The following CD248 variants were observed in gnomAD, a reference collection of about 807,000 sequenced individuals.
CD248 encodes the protein endosialin.
A neutral mutation model predicts 8.0 loss-of-function variants in CD248; 7 were observed. The ratio of observed to expected loss-of-function variants is 0.88; its 90% confidence interval spans 0.50 to 1.64. The LOEUF is 1.64. Among genes scored for constraint, CD248 ranks in the 40% most tolerant of loss-of-function variants. CD248 has a pLI of 0.00. For missense variants in CD248, 912 were observed against 1,027.2 expected (o/e 0.89, Z 1.53); for synonymous variants, 418 against 437.1 (o/e 0.96, Z 0.54).
At position 66,316,339 on chromosome 11, in the gene CD248, C is replaced by T; in HGVS notation, c.689G>A (p.Cys230Tyr). ...GVGWSRAGPL[C>Y]LGTGCSPDNG... ...GTCAGGGCTGCAGCCAGTCCCCAGG[C>T]ACAGGGGCCCAGCCCGTGACCAGCC... The change falls in exon 1 of 1, where the codon TGC (cysteine) becomes TAC (tyrosine). Residue 230 changes from cysteine to tyrosine, a missense_variant. Physicochemically the swap from Cys to Tyr is radical, Grantham distance 194. Around this residue, in one of 3 missense-constraint regions of CD248, gnomAD observed 403 missense variants for 446.2 expected, o/e 0.90. Coordinates refer to ENST00000311330, the MANE Select transcript of CD248 (RefSeq NM_020404.3). 5 of 1,612,854 alleles carry T rather than the reference C, an allele frequency of 3.1e-6. No individual in the cohort carries two copies. The highest frequency in any genetic ancestry group is 4.2e-6 in the Non-Finnish European group (5 of 1,179,832).
At position 66,315,776 on chromosome 11, in the gene CD248, T is replaced by C. The variant is rs781264839; in HGVS notation, c.1252A>G (p.Arg418Gly). 3.7e-6 allele frequency: 6 copies of C among 1,613,094 alleles called. No homozygotes were observed. The highest frequency in any genetic ancestry group is 5.1e-6 in the Non-Finnish European group (6 of 1,179,350). Residue 418 changes from arginine to glycine, a missense_variant, in exon 1 of 1, where the codon AGA becomes GGA. By Grantham distance (125) the Arg-to-Gly change is moderately radical. Around this residue, in one of 3 missense-constraint regions of CD248, gnomAD observed 507 missense variants for 562.2 expected, o/e 0.90. Transcript: ENST00000311330. The surrounding 1 kb of genome is among the most constrained non-coding windows in gnomAD (Gnocchi z 4.3). ...TCCGGGTAGGGTATCTGTGGCTCTC[T>C]GTCCTCTGGGAAGCTCGGTCTATAG... Reference protein sequence around the residue: ...LAYRPSFPEDREPQIPYPEPT... With the variant: ...LAYRPSFPEDGEPQIPYPEPT...
chr11:66,316,273 C>A lies in CD248; in HGVS notation c.755G>T (p.Gly252Val), dbSNP rs1209835925. 1 of 1,613,514 alleles carries A rather than the reference C, an allele frequency of 6.2e-7. No individual in the cohort carries two copies. The highest frequency in any genetic ancestry group is 8.5e-7 in the Non-Finnish European group (1 of 1,179,928). The change falls in exon 1 of 1, where the codon GGT becomes GTT. Residue 252 changes from glycine (G) to valine (V), a missense_variant. Coordinates refer to ENST00000311330, the MANE Select transcript of CD248 (RefSeq NM_020404.3). ...CEHECVEEVDGHVSCRCTEGF... is the reference protein window; with the variant it reads ...CEHECVEEVDVHVSCRCTEGF... ...CTCAGTGCAGCGGCAGGACACGTGA[C>A]CATCCACCTCCTCCACACATTCGTG...
rs1013130483 is a variant in CD248, at chr11:66,317,039, C to T, written c.-12G>A. On this transcript the variant is annotated 5_prime_UTR_variant, in exon 1 of 1. Transcript: ENST00000311330. ...AGGCGCAGCAGCATCGCGATGCCCC[C>T]GGACTGGTCCGGCCCCGGGCTGGCG... is the stretch of plus-strand genomic sequence containing the variant. The T allele has an allele frequency of 1.0e-5, 14 of 1,398,678 alleles. No individual in the cohort carries two copies. The highest frequency in any genetic ancestry group is 2.6e-4 in the Middle Eastern group (1 of 3,872). The allele number at this position is 1,398,678 out of a possible 1,614,324, so 86.6% of individuals were successfully genotyped here.
Position 66,315,627 on chromosome 11 carries a change from A to G in CD248, c.1401T>C (p.Pro467=). ...AAGCTGGGTGTGTGGCAGGGATCAC[A>G]GGAGGCTGGTGGGCAGAAGGCAGTG... The part of the protein sequence containing the change: ...HPTLPSAHQP[P]VIPATHPALS... Residue 467 remains proline (P), a synonymous_variant, in exon 1 of 1, where the codon CCT becomes CCC. Coordinates refer to ENST00000311330, the MANE Select transcript of CD248 (RefSeq NM_020404.3). The surrounding 1 kb of genome is among the most constrained non-coding windows in gnomAD (Gnocchi z 4.3). 6.2e-7 allele frequency: 1 copy of G among 1,613,518 alleles called. No individual in the cohort carries two copies. The highest frequency in any genetic ancestry group is 8.5e-7 in the Non-Finnish European group (1 of 1,179,708).
At position 66,315,086 on chromosome 11, in the gene CD248, C is replaced by A; in HGVS notation, c.1942G>T (p.Glu648Ter). ...GCCAACTTGGGACTGGGGCCATCTTCCCTTGGGATTTGGGGGGCTTTGGAA... is the reference window on the plus strand; with the variant it reads ...GCCAACTTGGGACTGGGGCCATCTTACCTTGGGATTTGGGGGGCTTTGGAA... ...PHSKAPQIPR[E>*]DGPSPKLALW... Residue 648 changes from glutamate to a stop codon, truncating the protein, a stop_gained, in exon 1 of 1, where the codon GAA becomes TAA. Transcript: ENST00000311330. LOFTEE classifies it high-confidence loss of function. This position sits in a 1 kb window ranked among gnomAD's most constrained non-coding sequence, Gnocchi z 4.3. The A allele has an allele frequency of 6.4e-7, 1 of 1,561,840 alleles. No homozygotes were observed. The highest frequency in any genetic ancestry group is 8.7e-7 in the Non-Finnish European group (1 of 1,152,948).
At position 66,316,862 on chromosome 11, in the gene CD248, C is replaced by A; in HGVS notation, c.166G>T (p.Gly56Cys). The change falls in exon 1 of 1, where the codon GGC (glycine) becomes TGC (cysteine). Residue 56 changes from glycine (G) to cysteine (C), a missense_variant. Physicochemically the swap from Gly to Cys is radical, Grantham distance 159 (BLOSUM62 -3). This residue lies in a region of CD248 where 403 missense variants were observed against 446.2 expected (regional missense o/e 0.90). Transcript: ENST00000311330. ...EAWRACRELG[G>C]DLATPRTPEE... ...GGGGTCCGAGGAGTGGCCAGGTCGCCCCCCAGCTCGCGGCAGGCCCGCCAG... is the reference window on the plus strand; with the variant it reads ...GGGGTCCGAGGAGTGGCCAGGTCGCACCCCAGCTCGCGGCAGGCCCGCCAG... 1 of 1,548,806 alleles carries A rather than the reference C, an allele frequency of 6.5e-7. No homozygotes were observed. Among genetic ancestry groups the A allele is most frequent in the Non-Finnish European group, 8.7e-7 (1 of 1,155,200 alleles).
rs7110351 is a variant in CD248, at chr11:66,315,234, G to A, written c.1794C>T (p.Ser598=). The A allele has an allele frequency of 7.9e-4, 1,215 of 1,529,374 alleles. 7 individuals carry two copies. The African/African-American group carries it at 0.015, about 19-fold the overall frequency. 94.7% of individuals were successfully genotyped at this position (1,529,374 alleles called of 1,614,324 possible). The change falls in exon 1 of 1, where the codon TCC becomes TCT. Residue 598 remains serine, a synonymous_variant. Transcript: ENST00000311330. This position sits in a 1 kb window ranked among gnomAD's most constrained non-coding sequence, Gnocchi z 4.3. ...AGATTTGATGGGCAGGAGACACAGGGGACCTGGAGGTGGTGGTCAGAGAGG... is the reference window on the plus strand; with the variant it reads ...AGATTTGATGGGCAGGAGACACAGGAGACCTGGAGGTGGTGGTCAGAGAGG... ...AQPSLTTTSR[S]PVSPAHQISV...
Position 66,314,841 on chromosome 11 carries a change from G to A in CD248, c.2187C>T (p.Val729=), listed in dbSNP as rs759886941. The A allele has an allele frequency of 1.2e-4, 185 of 1,589,336 alleles. No individual in the cohort carries two copies. The highest frequency in any genetic ancestry group is 1.4e-4 in the Non-Finnish European group (159 of 1,168,604). ...NKRITDCYRW[V]IHAGSKSPTE... is the part of the protein sequence containing the mutation. ...TTGGGCTCTTGCTCCCAGCATGGAT[G>A]ACCCAGCGATAGCAGTCAGTGATGC... Residue 729 remains valine, a synonymous_variant, in exon 1 of 1, where the codon GTC becomes GTT. Coordinates refer to ENST00000311330, the MANE Select transcript of CD248 (RefSeq NM_020404.3). This position sits in a 1 kb window ranked among gnomAD's most constrained non-coding sequence, Gnocchi z 4.0.
chr11:66,314,523 A>G lies in CD248; in HGVS notation c.*231T>C. Reference sequence around the variant, plus strand: ...GTTGACACCCCATTTATTGGAGAAGACCCCAGCACCCGCCCCCTGAGGTCT... The same window carrying G: ...GTTGACACCCCATTTATTGGAGAAGGCCCCAGCACCCGCCCCCTGAGGTCT... On this transcript the variant is annotated 3_prime_UTR_variant, in exon 1 of 1. Coordinates refer to ENST00000311330, the MANE Select transcript of CD248 (RefSeq NM_020404.3). This position sits in a 1 kb window ranked among gnomAD's most constrained non-coding sequence, Gnocchi z 4.0. The G allele has an allele frequency of 4.0e-6, 2 of 498,984 alleles. No individual in the cohort carries two copies. The highest frequency in any genetic ancestry group is 7.2e-5 in the South Asian group (2 of 27,724). The allele number at this position is 498,984 out of a possible 1,614,324, so 30.9% of individuals were successfully genotyped here. A position where few individuals can be genotyped will look rare whatever the true frequency, so the allele number is the denominator to read the frequency against.
In CD248 at chr11:66,315,459, C is replaced by T. The variant is rs1651351987; in HGVS notation, c.1569G>A (p.Glu523=). Residue 523 remains glutamate, a synonymous_variant, in exon 1 of 1, where the codon GAG becomes GAA. Coordinates refer to ENST00000311330, the MANE Select transcript of CD248 (RefSeq NM_020404.3). This position sits in a 1 kb window ranked among gnomAD's most constrained non-coding sequence, Gnocchi z 4.3. ...QPPMISTKYP[E]LFPAHQSPMF... is the part of the protein sequence containing the mutation. Reference sequence around the variant, plus strand: ...TGGGGGACTGGTGGGCAGGGAAGAGCTCCGGATATTTGGTTGAGATCATAG... The same window carrying T: ...TGGGGGACTGGTGGGCAGGGAAGAGTTCCGGATATTTGGTTGAGATCATAG... 1 of 1,613,652 alleles carries T rather than the reference C, an allele frequency of 6.2e-7. No homozygotes were observed. The highest frequency in any genetic ancestry group is 8.5e-7 in the Non-Finnish European group (1 of 1,179,900).
Position 66,314,769 on chromosome 11 carries a change from G to T in CD248, c.2259C>A (p.Cys753Ter). ...PRGSLTGVQT[C>*]RTSV is the part of the protein sequence containing the mutation. Reference sequence around the variant, plus strand: ...CTGCACCCCATCACACGCTGGTTCTGCAGGTCTGCACCCCTGTGAGGCTGC... The same window carrying T: ...CTGCACCCCATCACACGCTGGTTCTTCAGGTCTGCACCCCTGTGAGGCTGC... The change falls in exon 1 of 1, where the codon TGC becomes TGA. Residue 753 changes from cysteine to a stop codon, truncating the protein, a stop_gained. Coordinates refer to ENST00000311330, the MANE Select transcript of CD248 (RefSeq NM_020404.3). LOFTEE classifies it high-confidence loss of function. The surrounding 1 kb of genome is among the most constrained non-coding windows in gnomAD (Gnocchi z 4.0). The T allele has an allele frequency of 6.4e-7, 1 of 1,550,812 alleles. No individual in the cohort carries two copies.
rs547218265 is a variant in CD248, at chr11:66,315,568, G to A, written c.1460C>T (p.Ala487Val). 10 of 1,613,988 alleles carry A rather than the reference G, an allele frequency of 6.2e-6. No homozygotes were observed. The East Asian group carries it at 1.6e-4, about 25-fold the overall frequency. ...SRDHQIPVIAANYPDLPSAYQ... is the reference protein window; with the variant it reads ...SRDHQIPVIAVNYPDLPSAYQ... The stretch of plus-strand genomic sequence containing the variant: ...GGCAGAAGGCAGATCTGGATAGTTG[G>A]CTGCGATCACGGGGATCTGGTGGTC... Residue 487 changes from alanine (A) to valine (V), a missense_variant, in exon 1 of 1, where the codon GCC becomes GTC. Physicochemically the swap from Ala to Val is moderately conservative, Grantham distance 64 (BLOSUM62 0). This residue lies in a region of CD248 where 507 missense variants were observed against 562.2 expected (regional missense o/e 0.90). Transcript: ENST00000311330. The surrounding 1 kb of genome is among the most constrained non-coding windows in gnomAD (Gnocchi z 4.3).
At position 66,315,310 on chromosome 11, in the gene CD248, A is replaced by C; in HGVS notation, c.1718T>G (p.Leu573Arg). ...AQLPPQAPDA[L>R]VLRTQATQLP... ...CTGGGTGGCCTGGGTTCTGAGGACA[A>C]GGGCATCTGGGGCTTGAGGGGGTAG... is the stretch of plus-strand genomic sequence containing the variant. Residue 573 changes from leucine to arginine, a missense_variant, in exon 1 of 1, where the codon CTT (leucine) becomes CGT (arginine). Coordinates refer to ENST00000311330, the MANE Select transcript of CD248 (RefSeq NM_020404.3). This position sits in a 1 kb window ranked among gnomAD's most constrained non-coding sequence, Gnocchi z 4.3. The C allele has an allele frequency of 5.1e-6, 8 of 1,562,336 alleles. No homozygotes were observed. The highest frequency in any genetic ancestry group is 6.9e-6 in the Non-Finnish European group (8 of 1,152,394).
Position 66,315,878 on chromosome 11 carries a change from C to T in CD248, c.1150G>A (p.Ala384Thr). ...ATCTCCGTCCAGCCACCGTTGAAGGCCTTCCAGGCCTCGTCTTCATCTTCC... is the reference window on the plus strand; with the variant it reads ...ATCTCCGTCCAGCCACCGTTGAAGGTCTTCCAGGCCTCGTCTTCATCTTCC... ...DEEDEDEAWK[A>T]FNGGWTEMPG... The change falls in exon 1 of 1, where the codon GCC becomes ACC. Residue 384 changes from alanine (A) to threonine (T), a missense_variant. By Grantham distance (58) the Ala-to-Thr change is moderately conservative. Coordinates refer to ENST00000311330, the MANE Select transcript of CD248 (RefSeq NM_020404.3). This position sits in a 1 kb window ranked among gnomAD's most constrained non-coding sequence, Gnocchi z 4.3. 1 of 1,613,942 alleles carries T rather than the reference C, an allele frequency of 6.2e-7. No individual in the cohort carries two copies. Among genetic ancestry groups the T allele is most frequent in the Non-Finnish European group, 8.5e-7 (1 of 1,180,006 alleles).
At position 66,314,807 on chromosome 11, in the gene CD248, T is replaced by G; in HGVS notation, c.2221A>C (p.Met741Leu). The change falls in exon 1 of 1, where the codon ATG becomes CTG. Residue 741 changes from methionine (M) to leucine (L), a missense_variant. Met to Leu is a conservative substitution (Grantham distance 15). Transcript: ENST00000311330. The surrounding 1 kb of genome is among the most constrained non-coding windows in gnomAD (Gnocchi z 4.0). ...HAGSKSPTEP[M>L]PPRGSLTGVQ... ...CCTGTGAGGCTGCCCCTGGGGGGCA[T>G]GGGTTCTGTTGGGCTCTTGCTCCCA... The G allele has an allele frequency of 6.4e-7, 1 of 1,565,032 alleles. No individual in the cohort carries two copies. Among genetic ancestry groups the G allele is most frequent in the Non-Finnish European group, 8.7e-7 (1 of 1,154,796 alleles).
chr11:66,316,510 T>C lies in CD248; in HGVS notation c.518A>G (p.Gln173Arg), dbSNP rs1170511230. Residue 173 changes from glutamine to arginine, a missense_variant, in exon 1 of 1, where the codon CAG (glutamine) becomes CGG (arginine). Physicochemically the swap from Gln to Arg is conservative, Grantham distance 43. Around this residue, in one of 3 missense-constraint regions of CD248, gnomAD observed 403 missense variants for 446.2 expected, o/e 0.90. Coordinates refer to ENST00000311330, the MANE Select transcript of CD248 (RefSeq NM_020404.3). ...ACPALQDEAG[Q>R]AGPAVYTTPF... ...CGTGGTATACACGGCTGGGCCGGCC[T>C]GGCCCGCCTCATCTTGCAGCGCCGG... 10 of 1,595,334 alleles carry C rather than the reference T, an allele frequency of 6.3e-6. No homozygotes were observed. The highest frequency in any genetic ancestry group is 8.5e-6 in the Non-Finnish European group (10 of 1,178,202).
Position 66,315,192 on chromosome 11 carries a change from G to A in CD248, c.1836C>T (p.Thr612=). ...PAHQISVPAA[T]QPAALPTLLP... is the part of the protein sequence containing the mutation. ...GGAGGGTGGGGAGGGCTGCGGGCTG[G>A]GTGGCAGCAGGCACAGAGATTTGAT... The change falls in exon 1 of 1, where the codon ACC becomes ACT. Residue 612 remains threonine (T), a synonymous_variant. Transcript: ENST00000311330. The surrounding 1 kb of genome is among the most constrained non-coding windows in gnomAD (Gnocchi z 4.3). 6.5e-7 allele frequency: 1 copy of A among 1,528,114 alleles called. No homozygotes were observed. Among genetic ancestry groups the A allele is most frequent in the Non-Finnish European group, 8.8e-7 (1 of 1,140,546 alleles). The allele number at this position is 1,528,114 out of a possible 1,614,324, so 94.7% of individuals were successfully genotyped here. A position where few individuals can be genotyped will look rare whatever the true frequency, so the allele number is the denominator to read the frequency against.
chr11:66,316,455 C>T lies in CD248; in HGVS notation c.573G>A (p.Glu191=), dbSNP rs1854550464. ...CGGCCACAGAGCCGAAGGGCAGCCA[C>T]TCAAACTCTGTGGAGACCAGGTGGA... ...TPFHLVSTEF[E]WLPFGSVAAV... Residue 191 remains glutamate (E), a synonymous_variant, in exon 1 of 1, where the codon GAG becomes GAA. Transcript: ENST00000311330. 1.2e-6 allele frequency: 2 copies of T among 1,601,286 alleles called. No homozygotes were observed. The highest frequency in any genetic ancestry group is 1.3e-5 in the African/African-American group (1 of 74,954).
rs371972185 is a variant in CD248 at position 66,316,485 on chromosome 11, C to T, written c.543G>A (p.Thr181=). 14 of 1,598,810 alleles carry T rather than the reference C, an allele frequency of 8.8e-6. No homozygotes were observed. The highest frequency in any genetic ancestry group is 1.1e-5 in the Non-Finnish European group (13 of 1,179,386). ...ACTCTGTGGAGACCAGGTGGAAGGG[C>T]GTGGTATACACGGCTGGGCCGGCCT... ...AGQAGPAVYT[T]PFHLVSTEFE... is the part of the protein sequence containing the mutation. Residue 181 remains threonine, a synonymous_variant, in exon 1 of 1, where the codon ACG becomes ACA. Coordinates refer to ENST00000311330, the MANE Select transcript of CD248 (RefSeq NM_020404.3).
Sources: allele counts gnomAD v4.1 joint callset, GRCh38; gene constraint gnomAD v4.1.1; regional missense constraint gnomAD v4.1.1; non-coding constraint Gnocchi (gnomAD v3.1); transcripts MANE v1.5; gene names NCBI Gene and HGNC (gene_info 2026-07-23, HGNC 2026-07-21).